GRM7: variants seen among roughly 807,000 people sequenced by gnomAD.
GRM7 encodes metabotropic glutamate receptor 7.
Under a neutral mutation model 84.5 loss-of-function variants are expected in GRM7, and 35 were observed. That is an observed-to-expected ratio of 0.41 (90% CI 0.32 to 0.55). GRM7 has a LOEUF of 0.55. Among genes scored for constraint, GRM7 ranks in the 20% least tolerant of loss-of-function variants. GRM7 has a pLI of 0.19. For missense variants in GRM7, 1,003 were observed against 1,194.6 expected, an observed-to-expected ratio of 0.84 and a Z score of 2.36; for synonymous variants, 487 against 455.1, an observed-to-expected ratio of 1.07 and a Z score of -0.89.
At chr3:7,215,160 C>G (rs1002103889) in intron 2 of GRM7, among the ~76,000 whole-genome samples, 3 of 152,072 alleles carry the variant, frequency 2.0e-5, no homozygotes, top group Non-Finnish European at 4.4e-5. Context: ...AACGTTATCC[C>G]CTGAAACTCT....
chr3:7,493,847 A>G (rs1391133444), intron 7 of GRM7, among the ~76,000 whole-genome samples: 1 of 151,976 alleles, frequency 6.6e-6, no homozygotes, highest in African/African-American at 2.4e-5. Flanking sequence ...ATTTCTCATA[A>G]TAGTTGTTCT....
intron 8 of GRM7, among the ~76,000 whole-genome samples, chr3:7,634,946 C>A (rs1452346444): frequency 6.6e-6 from 1 of 152,124 alleles, no homozygotes; most frequent in African/African-American, 2.4e-5. Flanking sequence ...TACCAAAAAC[C>A]TATTCTTACA....
intron 5 of GRM7, among the ~76,000 whole-genome samples, chr3:7,416,644 A>G (rs750932904): frequency 6.6e-6 from 1 of 152,132 alleles, no homozygotes; most frequent in Non-Finnish European, 1.5e-5. Flanking sequence ...ATGATATAAA[A>G]TAAGTATGAT....
At chr3:7,251,866 G>A (rs898732122) in intron 2 of GRM7, among the ~76,000 whole-genome samples, 7 of 152,122 alleles carry the variant, frequency 4.6e-5, no homozygotes, top group African/African-American at 1.7e-4. Context: ...GATGTTGAGA[G>A]CAAATTATCA....
Position 7,401,585 on chromosome 3 carries a change from A to G in GRM7, c.1034-13438A>G, listed in dbSNP as rs142742863. On this transcript the variant is annotated intron_variant, in intron 4 of 9. Coordinates refer to ENST00000357716, the MANE Select transcript of GRM7 (RefSeq NM_000844.4). Reference sequence around the variant, plus strand: ...TATATTTCTGCAACACCAATTACCTAGAAAAAACTTTGAAAAAAAAATAAA... The same window carrying G: ...TATATTTCTGCAACACCAATTACCTGGAAAAAACTTTGAAAAAAAAATAAA... 3.9e-5 allele frequency among the ~76,000 whole-genome samples: 6 copies of G among 151,992 alleles called. No individual in the cohort carries two copies. In the East Asian group the frequency reaches 7.7e-4, roughly 20 times the overall value.
intron 1 of GRM7, among the ~76,000 whole-genome samples, chr3:7,039,734 A>T (rs1696522068): frequency 6.6e-6 from 1 of 152,142 alleles, no homozygotes; most frequent in East Asian, 1.9e-4. Flanking sequence ...AATCTCTCAG[A>T]ATCCCTAGAT....
At chr3:7,036,803 CTATAT>C (rs370357550) in intron 1 of GRM7, among the ~76,000 whole-genome samples, 151,246 of 152,262 alleles carry the variant, frequency 0.99, 75,124 homozygotes, top group African/African-American at 1. Flanking sequence ...ATATAACTTG[CTATAT>C]ATAACTATTA....
At chr3:6,986,201 C>T (rs1457255886) in intron 1 of GRM7, among the ~76,000 whole-genome samples, 1 of 151,948 alleles carries the variant, frequency 6.6e-6, no homozygotes, top group Non-Finnish European at 1.5e-5. Context: ...GTTCCTACCA[C>T]AAAAACAAAA....
chr3:7,082,331 A>G (rs539930942), intron 1 of GRM7, among the ~76,000 whole-genome samples: 1 of 152,280 alleles, frequency 6.6e-6, no homozygotes, highest in East Asian at 1.9e-4. Context: ...TGCTCTAGAA[A>G]TAAAACAACA....
At chr3:7,445,325 A>G (rs879747825) in intron 5 of GRM7, among the ~76,000 whole-genome samples, 4 of 152,160 alleles carry the variant, frequency 2.6e-5, no homozygotes, top group Non-Finnish European at 5.9e-5. Flanking sequence ...CATTTTTTAT[A>G]ATGGGCAATG....
At chr3:7,424,330 A>C (rs1696516809) in intron 5 of GRM7, among the ~76,000 whole-genome samples, 1 of 152,054 alleles carries the variant, frequency 6.6e-6, no homozygotes, top group Admixed American at 6.6e-5. Flanking sequence ...AAGAAAAGTC[A>C]GGGCTCCTCC....
At chr3:7,426,630 G>T (rs573668382) in intron 5 of GRM7, among the ~76,000 whole-genome samples, 1 of 152,098 alleles carries the variant, frequency 6.6e-6, no homozygotes, top group African/African-American at 2.4e-5. Context: ...GTCCTTCTGA[G>T]AGACACTTGC....
chr3:7,233,152 T>A (rs1697247477), intron 2 of GRM7, among the ~76,000 whole-genome samples: 1 of 152,200 alleles, frequency 6.6e-6, no homozygotes, highest in Admixed American at 6.5e-5. Flanking sequence ...AAATAGAGAA[T>A]AGAATATATA....
chr3:7,560,530 A>G (rs1341154808), intron 7 of GRM7, among the ~76,000 whole-genome samples: 2 of 152,074 alleles, frequency 1.3e-5, no homozygotes, highest in Non-Finnish European at 2.9e-5. Flanking sequence ...CAGACCAACA[A>G]CATTACCTGG....
chr3:7,033,342 T>C (rs1167692877), intron 1 of GRM7, among the ~76,000 whole-genome samples: 2 of 152,164 alleles, frequency 1.3e-5, no homozygotes, highest in African/African-American at 4.8e-5. Context: ...GAATTCGGGA[T>C]TATGCTATTC....
At chr3:7,232,348 A>G (rs901625606) in intron 2 of GRM7, among the ~76,000 whole-genome samples, 2 of 152,202 alleles carry the variant, frequency 1.3e-5, no homozygotes. Flanking sequence ...CAAAGTGGGA[A>G]TGAGACTGTT....
At chr3:6,960,805 C>A (rs550739153) in intron 1 of GRM7, among the ~76,000 whole-genome samples, 2 of 152,106 alleles carry the variant, frequency 1.3e-5, no homozygotes, top group African/African-American at 4.8e-5. Flanking sequence ...GCTCCTTCTA[C>A]CTATGGTGGG....
At chr3:6,881,867 A>G (rs1340702310) in intron 1 of GRM7, among the ~76,000 whole-genome samples, 2 of 151,870 alleles carry the variant, frequency 1.3e-5, no homozygotes, top group Admixed American at 6.6e-5. Flanking sequence ...AAAAATGTTT[A>G]GTCAATAGGT....
intron 1 of GRM7, among the ~76,000 whole-genome samples, chr3:7,051,729 G>T (rs1243671992): frequency 1.3e-5 from 2 of 151,672 alleles, no homozygotes; most frequent in African/African-American, 4.8e-5. Context: ...AACCTAAAAT[G>T]CCTTTTAAAG....
Sources: gnomAD v4.1 joint callset for allele counts (sites outside exome capture counted in the v4.1 genomes callset) on GRCh38, gnomAD v4.1.1 for gene constraint, MANE v1.5 for transcripts, NCBI Gene and HGNC (gene_info 2026-07-23, HGNC 2026-07-21) for gene names.